SMYD3: variants seen among roughly 807,000 people sequenced by gnomAD.
SMYD3 encodes the protein histone-lysine N-methyltransferase SMYD3.
Under a neutral mutation model 57.7 loss-of-function variants are expected in SMYD3, and 36 were observed. That is an observed-to-expected ratio of 0.62 (90% CI 0.48 to 0.82). SMYD3 has a LOEUF of 0.82. Among genes scored for constraint, SMYD3 ranks in the 40% least tolerant of loss-of-function variants. SMYD3 has a pLI of 0.00. For missense variants in SMYD3, 515 were observed against 538.8 expected (o/e 0.96, Z 0.44); for synonymous variants, 211 against 195.0 (o/e 1.08, Z -0.68).
chr1:246,169,014 A>G (rs111603547), intron 5 of SMYD3, among the ~76,000 whole-genome samples: 1 of 152,156 alleles, frequency 6.6e-6, no homozygotes, highest in African/African-American at 2.4e-5. Context: ...TTTTATACCT[A>G]TAATTCTTTC....
At chr1:245,766,653 G>A (rs1258319258) in intron 10 of SMYD3, among the ~76,000 whole-genome samples, 2 of 152,140 alleles carry the variant, frequency 1.3e-5, no homozygotes, top group South Asian at 2.1e-4. Flanking sequence ...TGAAAAGCAC[G>A]CCTGGATTTG....
intron 5 of SMYD3, among the ~76,000 whole-genome samples, chr1:246,152,434 G>A (rs1457692892): frequency 6.6e-6 from 1 of 152,216 alleles, no homozygotes; most frequent in Non-Finnish European, 1.5e-5. Flanking sequence ...GCAATTATAA[G>A]TTGGTAAAGC....
At chr1:246,199,336 T>C (rs1212675479) in intron 5 of SMYD3, among the ~76,000 whole-genome samples, 2 of 152,208 alleles carry the variant, frequency 1.3e-5, no homozygotes. Flanking sequence ...GGGAACCTGA[T>C]ATTTCTCTTC....
At chr1:246,407,715 G>A (rs1048814023) in intron 1 of SMYD3, among the ~76,000 whole-genome samples, 8 of 151,878 alleles carry the variant, frequency 5.3e-5, no homozygotes, top group African/African-American at 1.9e-4. Flanking sequence ...GGTGGCAAGC[G>A]CCTGTAATCC....
chr1:246,335,507 A>T (rs1186375291), intron 2 of SMYD3, 33 bp from the exon 3 acceptor site: 1 of 1,576,774 alleles, frequency 6.3e-7, no homozygotes, highest in Non-Finnish European at 8.7e-7. Flanking sequence ...AACATAGGTG[A>T]CCTAAAATTT....
At chr1:246,116,201 G>GACACACACACACACACACACAC (rs56722969) in intron 5 of SMYD3, among the ~76,000 whole-genome samples, 1 of 145,922 alleles carries the variant, frequency 6.9e-6, no homozygotes, top group African/African-American at 2.5e-5. Flanking sequence ...CCCTGAGATG[G>GACACACACACACACACACACAC]ACACACACAC....
At chr1:245,980,649 A>C (rs930276804) in intron 5 of SMYD3, among the ~76,000 whole-genome samples, 20 of 152,250 alleles carry the variant, frequency 1.3e-4, no homozygotes, top group Admixed American at 1.1e-3. Flanking sequence ...GGTGGAAAAA[A>C]TAATTCAAGA....
intron 5 of SMYD3, among the ~76,000 whole-genome samples, chr1:246,303,029 A>G (rs1488213424): frequency 6.6e-6 from 1 of 152,150 alleles, no homozygotes; most frequent in Non-Finnish European, 1.5e-5. Flanking sequence ...TATACAGAAA[A>G]AGCAATGGAA....
At chr1:246,253,903 A>C (rs571986341) in intron 5 of SMYD3, among the ~76,000 whole-genome samples, 4 of 152,292 alleles carry the variant, frequency 2.6e-5, no homozygotes, top group African/African-American at 9.6e-5. Context: ...GTTCTGCTTT[A>C]AGCTCCTTGA....
At chr1:245,918,904 T>C (rs1256176586) in intron 7 of SMYD3, among the ~76,000 whole-genome samples, 1 of 152,202 alleles carries the variant, frequency 6.6e-6, no homozygotes, top group Admixed American at 6.5e-5. Context: ...GTGAAGCCAC[T>C]AACTCCAGGG....
At chr1:246,418,715 C>A (rs1005788359) in intron 1 of SMYD3, among the ~76,000 whole-genome samples, 55 of 152,214 alleles carry the variant, frequency 3.6e-4, no homozygotes, top group African/African-American at 1.2e-3. Context: ...CGCTCGGTGA[C>A]CTGGGCTCTC....
At chr1:246,241,406 G>A (rs556567467) in intron 5 of SMYD3, among the ~76,000 whole-genome samples, 238 of 152,232 alleles carry the variant, frequency 1.6e-3, no homozygotes, top group Non-Finnish European at 2.7e-3. Flanking sequence ...ATTGATTTGC[G>A]TATGTTGAAC....
intron 5 of SMYD3, among the ~76,000 whole-genome samples, chr1:246,087,079 A>G (rs1253662703): frequency 2.6e-5 from 4 of 152,226 alleles, no homozygotes; most frequent in Non-Finnish European, 5.9e-5. Context: ...ATGGCTGCAT[A>G]GTATTCCATG....
intron 5 of SMYD3, among the ~76,000 whole-genome samples, chr1:245,931,896 C>A (rs540108608): frequency 6.6e-6 from 1 of 152,214 alleles, no homozygotes; most frequent in South Asian, 2.1e-4. Flanking sequence ...AGTTTCAAAT[C>A]AGGAGCAAAA....
At chr1:246,411,728 A>G (rs1383232576) in intron 1 of SMYD3, among the ~76,000 whole-genome samples, 2 of 151,694 alleles carry the variant, frequency 1.3e-5, no homozygotes, top group Admixed American at 1.3e-4. Flanking sequence ...CCCAAGGACA[A>G]AAAACCAAAC....
At chr1:245,851,671 G>A (rs992323025) in intron 10 of SMYD3, among the ~76,000 whole-genome samples, 1 of 152,218 alleles carries the variant, frequency 6.6e-6, no homozygotes, top group Non-Finnish European at 1.5e-5. Flanking sequence ...AACGGGGACA[G>A]GGGAGGAACA....
At chr1:246,097,724 A>G (rs2060940758) in intron 5 of SMYD3, among the ~76,000 whole-genome samples, 1 of 151,976 alleles carries the variant, frequency 6.6e-6, no homozygotes, top group South Asian at 2.1e-4. Flanking sequence ...TCAGACTTGG[A>G]TATCTACCTG....
chr1:245,797,827 C>A (rs1389307835), intron 10 of SMYD3, among the ~76,000 whole-genome samples: 2 of 53,906 alleles, frequency 3.7e-5, no homozygotes, highest in Non-Finnish European at 3.7e-5. Flanking sequence ...CTTCCGGGTT[C>A]CAAAAAAAAA....
At chr1:246,131,066 C>T (rs2061579914) in intron 5 of SMYD3, among the ~76,000 whole-genome samples, 2 of 152,098 alleles carry the variant, frequency 1.3e-5, no homozygotes, top group African/African-American at 4.8e-5. Flanking sequence ...TTCCTCATTC[C>T]CTCCACTTGG....
Sources: allele counts gnomAD v4.1 joint callset (sites outside exome capture counted in the v4.1 genomes callset), GRCh38; gene constraint gnomAD v4.1.1; transcripts MANE v1.5; gene names NCBI Gene and HGNC (gene_info 2026-07-23, HGNC 2026-07-21).